Variants in GALNT17 observed in about 807,000 individuals in gnomAD.
GALNT17 encodes the protein polypeptide N-acetylgalactosaminyltransferase 17, also known as UDP-GalNAc:polypeptide N-acetylgalactosaminyltransferase-like 3.
In GALNT17, 29 loss-of-function variants were observed where a neutral mutation model predicts 63.7. That is an observed-to-expected ratio of 0.46 (90% CI 0.34 to 0.62). GALNT17 has a LOEUF of 0.62. Among genes scored for constraint, GALNT17 ranks in the 20% least tolerant of loss-of-function variants. GALNT17 has a pLI of 0.01. For synonymous variants in GALNT17, 305 were observed against 318.3 expected (o/e 0.96, Z 0.45); for missense variants, 603 against 799.6 (o/e 0.75, Z 2.97).
chr7:71,261,261 T>C (rs1219162660), intron 1 of GALNT17, among the ~76,000 whole-genome samples: 1 of 152,126 alleles, frequency 6.6e-6, no homozygotes, highest in Admixed American at 6.5e-5. Context: ...CCCTGTTCCC[T>C]TTCGGAGCTT....
intron 8 of GALNT17, among the ~76,000 whole-genome samples, 160 bp from the exon 9 acceptor site, chr7:71,677,051 T>G (rs1791161196): frequency 6.6e-6 from 1 of 152,166 alleles, no homozygotes; most frequent in South Asian, 2.1e-4. Context: ...TCTTTCTTGT[T>G]AAGGTGATCA....
chr7:71,170,439 G>A (rs1377733014), intron 1 of GALNT17, among the ~76,000 whole-genome samples: 2 of 151,990 alleles, frequency 1.3e-5, no homozygotes, highest in Admixed American at 6.6e-5. Flanking sequence ...GGGTTCGAGC[G>A]ATTCTCCTGC....
chr7:71,478,247 T>G (rs1267745954), intron 5 of GALNT17, among the ~76,000 whole-genome samples: 1 of 152,158 alleles, frequency 6.6e-6, no homozygotes, highest in Non-Finnish European at 1.5e-5. Context: ...GGCAAACCTG[T>G]GATCCTATGA....
intron 2 of GALNT17, among the ~76,000 whole-genome samples, chr7:71,355,286 G>T (rs1792263152): frequency 6.6e-6 from 1 of 152,112 alleles, no homozygotes; most frequent in Non-Finnish European, 1.5e-5. Flanking sequence ...AGTTGGAAAT[G>T]TAATTCAAGT....
chr7:71,164,630 C>T (rs763614829), intron 1 of GALNT17, among the ~76,000 whole-genome samples: 18 of 152,206 alleles, frequency 1.2e-4, no homozygotes, highest in South Asian at 2.1e-4. Context: ...GTCTTCAACA[C>T]GAAATTCAAT....
chr7:71,566,728 A>G (rs1789354445), intron 5 of GALNT17, among the ~76,000 whole-genome samples: 2 of 141,788 alleles, frequency 1.4e-5, no homozygotes, highest in Admixed American at 1.5e-4. Flanking sequence ...GGTCATCATC[A>G]CCGTTTGGTT....
In GALNT17 at chr7:71,354,792, A is replaced by T. The variant is rs533155907; in HGVS notation, c.422+19059A>T. On this transcript the variant is annotated intron_variant, in intron 2 of 10. Transcript: ENST00000333538. ...ATGACTATCTGGTTCTTAAATGTTTAGTAGAAGTCACCTGTGAAACCATCT... is the reference window on the plus strand; with the variant it reads ...ATGACTATCTGGTTCTTAAATGTTTTGTAGAAGTCACCTGTGAAACCATCT... Among the ~76,000 whole-genome samples, 7 of 152,338 alleles carry T rather than the reference A, an allele frequency of 4.6e-5. No homozygotes were observed. In the East Asian group the frequency reaches 7.7e-4, roughly 17 times the overall value.
At chr7:71,162,112 C>A (rs1397908653) in intron 1 of GALNT17, among the ~76,000 whole-genome samples, 1 of 69,910 alleles carries the variant, frequency 1.4e-5, no homozygotes, top group Admixed American at 1.5e-4. Flanking sequence ...TTCCTTCCTC[C>A]CTCCCTCCCT....
At chr7:71,137,669 A>G (rs780035518) in intron 1 of GALNT17, among the ~76,000 whole-genome samples, 10 of 152,170 alleles carry the variant, frequency 6.6e-5, no homozygotes, top group Non-Finnish European at 1.5e-4. Context: ...TGAGGAAGCC[A>G]TCTTGCCTCC....
intron 5 of GALNT17, among the ~76,000 whole-genome samples, chr7:71,520,791 A>G (rs1788517766): frequency 6.6e-6 from 1 of 152,126 alleles, no homozygotes; most frequent in African/African-American, 2.4e-5. Context: ...GAGCAAGCAT[A>G]TGGCAGGAGG....
At chr7:71,419,085 GA>G (rs1375259276) in intron 4 of GALNT17, among the ~76,000 whole-genome samples, 1 of 150,724 alleles carries the variant, frequency 6.6e-6, no homozygotes, top group Non-Finnish European at 1.5e-5. Context: ...GTCTCAAAAA[GA>G]AAAAAAAAGA....
chr7:71,606,114 ATTTTTTTT>A (rs10580489), intron 6 of GALNT17, among the ~76,000 whole-genome samples: 2 of 116,044 alleles, frequency 1.7e-5, no homozygotes, highest in African/African-American at 6.4e-5. Flanking sequence ...TAATTTTTGT[ATTTTTTTT>A]TTTTTTTTTT....
At chr7:71,648,206 T>C (rs1438419411) in intron 6 of GALNT17, among the ~76,000 whole-genome samples, 1 of 152,140 alleles carries the variant, frequency 6.6e-6, no homozygotes, top group Non-Finnish European at 1.5e-5. Context: ...TGTTAATGAG[T>C]GTTCCATACA....
At chr7:71,265,850 G>T (rs763041746) in intron 1 of GALNT17, among the ~76,000 whole-genome samples, 6 of 152,186 alleles carry the variant, frequency 3.9e-5, no homozygotes, top group Non-Finnish European at 7.4e-5. Flanking sequence ...TCATGCTGCT[G>T]CTGTAACAAA....
chr7:71,289,168 G>T (rs1237041261), intron 1 of GALNT17, among the ~76,000 whole-genome samples: 1 of 150,014 alleles, frequency 6.7e-6, no homozygotes, highest in Non-Finnish European at 1.5e-5. Context: ...ATGTGTTTAA[G>T]GTTATTCCTC....
intron 9 of GALNT17, among the ~76,000 whole-genome samples, chr7:71,704,000 G>A (rs1791689429): frequency 6.6e-6 from 1 of 152,208 alleles, no homozygotes; most frequent in African/African-American, 2.4e-5. Flanking sequence ...ATGGAAGGCA[G>A]TGTTGGTTGA....
At chr7:71,306,844 G>C (rs1791309284) in intron 1 of GALNT17, among the ~76,000 whole-genome samples, 1 of 99,824 alleles carries the variant, frequency 1.0e-5, no homozygotes, top group Non-Finnish European at 2.2e-5. Flanking sequence ...TGTTTTTTGA[G>C]ACAGAGTCTC....
intron 9 of GALNT17, among the ~76,000 whole-genome samples, chr7:71,697,347 C>T (rs1424222327): frequency 2.0e-5 from 3 of 151,930 alleles, no homozygotes; most frequent in African/African-American, 4.8e-5. Context: ...TAAGAATATT[C>T]GGGTCTCAGA....
At chr7:71,614,471 A>G (rs1375038235) in intron 6 of GALNT17, among the ~76,000 whole-genome samples, 1 of 152,164 alleles carries the variant, frequency 6.6e-6, no homozygotes, top group Admixed American at 6.5e-5. Flanking sequence ...TCTACAAAAA[A>G]TTAGCCAAGC....
Sources: allele counts gnomAD v4.1 joint callset (sites outside exome capture counted in the v4.1 genomes callset), GRCh38; gene constraint gnomAD v4.1.1; transcripts MANE v1.5; gene names NCBI Gene and HGNC (gene_info 2026-07-23, HGNC 2026-07-21).